The following CAST variants were observed in gnomAD, a reference collection of about 807,000 sequenced individuals.
CAST encodes MIR583 host.
In CAST, 76 loss-of-function variants were observed where a neutral mutation model predicts 119.6. That is an observed-to-expected ratio of 0.64 (90% CI 0.53 to 0.77). The LOEUF (loss-of-function observed/expected upper bound fraction) is 0.77. Ranked by LOEUF, CAST falls within the 30% of genes least tolerant of loss-of-function variation. The probability of loss-of-function intolerance (pLI) is 0.00; values close to 1 mark genes in which losing one functional copy is unlikely to be tolerated. For synonymous variants in CAST, 319 were observed against 331.6 expected (o/e 0.96, Z 0.41); for missense variants, 953 against 946.5 (o/e 1.01, Z -0.09).
the CAST span, chr5:96,422,020 GC>G: frequency 2.0e-6 from 1 of 510,786 alleles, no homozygotes; most frequent in Non-Finnish European, 3.2e-6. Context: ...AAAAAAAAAA[GC>G]ATCACTTCCC....
At chr5:96,516,638 G>A in the CAST span, among the ~76,000 whole-genome samples, 8 of 152,208 alleles carry the variant, frequency 5.3e-5, no homozygotes, top group East Asian at 1.9e-4. Flanking sequence ...CCCTCTCCCC[G>A]CTATCAAAAA....
chr5:96,415,100 A>G, the CAST span, among the ~76,000 whole-genome samples: 1 of 152,182 alleles, frequency 6.6e-6, no homozygotes, highest in Non-Finnish European at 1.5e-5. Context: ...TGAAAGCCTG[A>G]GGTTGGGATA....
the CAST span, among the ~76,000 whole-genome samples, chr5:96,045,390 A>G: frequency 5.3e-5 from 8 of 151,902 alleles, no homozygotes; most frequent in African/African-American, 1.7e-4. Flanking sequence ...AAGAAAATTC[A>G]TAGAGCTGTA....
the CAST span, among the ~76,000 whole-genome samples, chr5:96,260,203 G>A: frequency 6.6e-6 from 1 of 152,092 alleles, no homozygotes; most frequent in African/African-American, 2.4e-5. Flanking sequence ...AGAGAGCCAG[G>A]CTTGAGAACC....
the CAST span, among the ~76,000 whole-genome samples, chr5:96,416,456 T>C: frequency 6.6e-6 from 1 of 152,210 alleles, no homozygotes; most frequent in Non-Finnish European, 1.5e-5. Context: ...ACAGTGAGTG[T>C]TAACTATTGA....
chr5:96,205,063 C>T, the CAST span, among the ~76,000 whole-genome samples: 7 of 151,960 alleles, frequency 4.6e-5, no homozygotes, highest in South Asian at 4.2e-4. Context: ...AGGACAAATA[C>T]GCCATCTCTT....
At chr5:96,121,126 A>G in the CAST span, among the ~76,000 whole-genome samples, 1 of 152,130 alleles carries the variant, frequency 6.6e-6, no homozygotes, top group East Asian at 1.9e-4. Flanking sequence ...TTGATTTTTA[A>G]AAGAGTGCCT....
At chr5:96,187,769 C>A in the CAST span, among the ~76,000 whole-genome samples, 5 of 152,136 alleles carry the variant, frequency 3.3e-5, no homozygotes, top group East Asian at 9.6e-4. Context: ...TCGAGGCTAC[C>A]GAGCTTAAAA....
chr5:95,988,020 T>C, the CAST span, among the ~76,000 whole-genome samples: 1 of 152,208 alleles, frequency 6.6e-6, no homozygotes, highest in African/African-American at 2.4e-5. Flanking sequence ...TCCAAGTTTA[T>C]TAAGGGAAAA....
At position 96,639,324 on chromosome 5, in the gene CAST, C is replaced by T. The variant is rs926562019; in HGVS notation, c.61-36215C>T. On this transcript the variant is annotated intron_variant, in intron 1 of 11. Coordinates refer to the CAST transcript ENST00000505143. ...CTGTAGGATTCCAAGATGGACTTCT[C>T]ATTGAGCCTGACTGAGGGGTGGGCT... Among the ~76,000 whole-genome samples the T allele has an allele frequency of 3.9e-5, 6 of 152,166 alleles. No homozygotes were observed. The East Asian group carries it at 1.2e-3, about 29-fold the overall frequency.
At chr5:96,278,679 C>T in the CAST span, 1 of 152,150 alleles carries the variant, frequency 6.6e-6, no homozygotes, top group Admixed American at 6.5e-5. Flanking sequence ...AGATAGAAAA[C>T]AAAAGCAAAA....
chr5:96,747,630 T>G (rs1764052883), intron 18 of CAST, among the ~76,000 whole-genome samples: 1 of 152,174 alleles, frequency 6.6e-6, no homozygotes, highest in Admixed American at 6.5e-5. Context: ...TAAAATTTAT[T>G]GCACACTAGA....
Position 96,765,303 on chromosome 5 carries a change from A to C in CAST, c.2015A>C (p.Lys672Thr), listed in dbSNP as rs541132407. The change falls in exon 26 of 32, where the codon AAA (lysine) becomes ACA (threonine). Residue 672 changes from lysine to threonine, a missense_variant. Physicochemically the swap from Lys to Thr is moderately conservative, Grantham distance 78 (BLOSUM62 -1). Coordinates refer to ENST00000675179, the MANE Select transcript of CAST (RefSeq NM_001750.7). ...GQRQPDPDEN[K>T]PMEDKVKEKA... ...AGGCAGCCTGACCCAGATGAGAACA[A>C]ACCAATGGAAGATAAAGTAAAGGTA... is the stretch of plus-strand genomic sequence containing the variant. The C allele has an allele frequency of 6.5e-6, 10 of 1,535,102 alleles. No homozygotes were observed. Among genetic ancestry groups the C allele is most frequent in the African/African-American group, 5.6e-5 (4 of 71,954 alleles).
chr5:96,297,852 G>A, the CAST span, among the ~76,000 whole-genome samples: 3 of 152,052 alleles, frequency 2.0e-5, no homozygotes, highest in African/African-American at 2.4e-5. Context: ...AGACCCGGGA[G>A]CACTATATGC....
chr5:96,013,724 C>T, the CAST span, among the ~76,000 whole-genome samples: 1 of 151,776 alleles, frequency 6.6e-6, no homozygotes, highest in Admixed American at 6.6e-5. Flanking sequence ...GAATATTGTA[C>T]AAAATTATAA....
the CAST span, among the ~76,000 whole-genome samples, chr5:96,175,918 T>C: frequency 1.3e-5 from 2 of 152,232 alleles, no homozygotes; most frequent in Non-Finnish European, 2.9e-5. Context: ...GAAGTGCAAC[T>C]GCTGATGTAT....
At chr5:96,303,115 C>T in the CAST span, among the ~76,000 whole-genome samples, 17 of 152,168 alleles carry the variant, frequency 1.1e-4, no homozygotes, top group South Asian at 2.1e-4. Context: ...TAAATCATGG[C>T]GGAAGGTGAA....
intron 20 of CAST, among the ~76,000 whole-genome samples, chr5:96,752,163 G>C (rs1408965035): frequency 6.6e-6 from 1 of 152,202 alleles, no homozygotes; most frequent in Non-Finnish European, 1.5e-5. Flanking sequence ...AGGAAACCCA[G>C]AGACCTGAGT....
At chr5:96,587,193 A>C (rs751813704) in intron 1 of CAST, among the ~76,000 whole-genome samples, 1 of 152,228 alleles carries the variant, frequency 6.6e-6, no homozygotes, top group Non-Finnish European at 1.5e-5. Context: ...TTTGTACAGC[A>C]CATTTTTTGC....
Sources: allele counts gnomAD v4.1 joint callset (sites outside exome capture counted in the v4.1 genomes callset), GRCh38; gene constraint gnomAD v4.1.1; transcripts MANE v1.5; gene names NCBI Gene and HGNC (gene_info 2026-07-23, HGNC 2026-07-21).